The following RAD23B variants were observed in gnomAD, a reference collection of about 807,000 sequenced individuals.
RAD23B encodes the protein RAD23 nucleotide excision repair protein B, also known as lysine-specific demethylase RAD23B.
In RAD23B, 5 loss-of-function variants were observed where a neutral mutation model predicts 49.1. That is an observed-to-expected ratio of 0.10 (90% CI 0.05 to 0.21). The LOEUF (loss-of-function observed/expected upper bound fraction) is 0.21. Among genes scored for constraint, RAD23B ranks in the 10% least tolerant of loss-of-function variants. The probability of loss-of-function intolerance (pLI) is 1.00; values close to 1 mark genes in which losing one functional copy is unlikely to be tolerated. For synonymous variants in RAD23B, 184 were observed against 165.4 expected, an observed-to-expected ratio of 1.11 and a Z score of -0.86; for missense variants, 356 against 486.7, an observed-to-expected ratio of 0.73 and a Z score of 2.53.
intron 1 of RAD23B, chr9:107,284,993 G>A: frequency 1.6e-6 from 2 of 1,273,678 alleles, no homozygotes; most frequent in Non-Finnish European, 2.1e-6. Context: ...ACAGTGTTAC[G>A]TTTTACTTAT....
chr9:107,293,452 A>G (rs559092726), intron 1 of RAD23B, among the ~76,000 whole-genome samples: 2 of 152,356 alleles, frequency 1.3e-5, no homozygotes, highest in South Asian at 2.1e-4. Flanking sequence ...GCATATGGCA[A>G]GTACATAGCC....
intron 4 of RAD23B, among the ~76,000 whole-genome samples, chr9:107,307,634 T>C (rs1826804991): frequency 6.6e-6 from 1 of 152,196 alleles, no homozygotes; most frequent in South Asian, 2.1e-4. Flanking sequence ...GGTTAAGATA[T>C]ATATGACAAT....
At chr9:107,313,905 TTTCCTTTCTCCTTCCTTCCTCCTTCC>T (rs930920765) in intron 5 of RAD23B, among the ~76,000 whole-genome samples, 47 of 152,020 alleles carry the variant, frequency 3.1e-4, no homozygotes, top group African/African-American at 1.1e-3. Flanking sequence ...TCCTTTCTCC[TTTCCTTTCTCCTTCCTTCCTCCTTCC>T]TTCCTTTCTC....
At chr9:107,300,319 A>G (rs1422824930) in intron 2 of RAD23B, 97 bp downstream of exon 2, 16 of 1,310,642 alleles carry the variant, frequency 1.2e-5, no homozygotes, top group African/African-American at 1.5e-5. Flanking sequence ...AAATTGTCAG[A>G]AAAATGATTG....
At chr9:107,295,816 A>C (rs912782736) in intron 1 of RAD23B, among the ~76,000 whole-genome samples, 2 of 152,206 alleles carry the variant, frequency 1.3e-5, no homozygotes, top group African/African-American at 4.8e-5. Context: ...GGTTGGAGTA[A>C]ATTTTAGAGG....
At chr9:107,293,943 C>G (rs1833435943) in intron 1 of RAD23B, among the ~76,000 whole-genome samples, 1 of 152,122 alleles carries the variant, frequency 6.6e-6, no homozygotes, top group Non-Finnish European at 1.5e-5. Context: ...CACCACAGCA[C>G]CCGTCTAATT....
At chr9:107,288,543 T>C (rs535317876) in intron 1 of RAD23B, among the ~76,000 whole-genome samples, 4 of 152,202 alleles carry the variant, frequency 2.6e-5, no homozygotes, top group Non-Finnish European at 4.4e-5. Flanking sequence ...CCTCTGGGGC[T>C]CAAGCGATTC....
intron 3 of RAD23B, among the ~76,000 whole-genome samples, chr9:107,305,624 G>C (rs144758943): frequency 5.9e-5 from 9 of 152,118 alleles, no homozygotes; most frequent in African/African-American, 2.2e-4. Context: ...AGTGCTGAGC[G>C]TGTGGAGGTA....
intron 1 of RAD23B, among the ~76,000 whole-genome samples, chr9:107,298,346 C>G (rs1326830047): frequency 6.6e-6 from 1 of 152,010 alleles, no homozygotes; most frequent in Non-Finnish European, 1.5e-5. Context: ...CAGATTCTCA[C>G]TCTGTCACCC....
chr9:107,308,412 T>C (rs958781951), intron 4 of RAD23B, among the ~76,000 whole-genome samples: 1 of 151,894 alleles, frequency 6.6e-6, no homozygotes, highest in Admixed American at 6.6e-5. Context: ...AGAGAAGGGG[T>C]TTCACCATGT....
At chr9:107,293,776 GAATGAAA>G (rs1833432014) in intron 1 of RAD23B, among the ~76,000 whole-genome samples, 2 of 152,038 alleles carry the variant, frequency 1.3e-5, no homozygotes, top group Admixed American at 1.3e-4. Context: ...TAAATTTGTC[GAATGAAA>G]AATGACTGCT....
rs1278104495 is a variant in RAD23B, at chr9:107,284,489, GA to G, written c.66+804del. On this transcript the variant is annotated intron_variant, in intron 1 of 9. Transcript: ENST00000358015. ...CAGTAGCAGTTCAAGGGGGAAAAAA[GA>G]AAAAAAAAACAAAAAACAACAACTT... Among the ~76,000 whole-genome samples the G allele has an allele frequency of 1.0e-4, 15 of 144,716 alleles. 1 individual carries two copies. The highest frequency in any genetic ancestry group is 6.7e-4 in the South Asian group (3 of 4,486). 94.9% of individuals were successfully genotyped at this position (144,716 alleles called of 152,430 possible).
chr9:107,300,102 T>G, intron 1 of RAD23B, 39 bp from the exon 2 acceptor site: 1 of 1,582,956 alleles, frequency 6.3e-7, no homozygotes, highest in East Asian at 2.3e-5. Context: ...CATTTTTTAT[T>G]TAGACTTTTT....
intron 9 of RAD23B, among the ~76,000 whole-genome samples, chr9:107,326,338 A>G (rs113654949): frequency 0.036 from 5,204 of 146,398 alleles, 282 homozygotes; most frequent in African/African-American, 0.13. Context: ...AAAATTAGCC[A>G]GGCGTGATGG....
intron 6 of RAD23B, among the ~76,000 whole-genome samples, chr9:107,320,291 G>A (rs1470051175): frequency 1.3e-5 from 2 of 152,192 alleles, no homozygotes; most frequent in Non-Finnish European, 2.9e-5. Flanking sequence ...AATTTGTTTG[G>A]TGAGGAGTGT....
chr9:107,288,505 G>A (rs1564238886), intron 1 of RAD23B, among the ~76,000 whole-genome samples: 1 of 152,192 alleles, frequency 6.6e-6, no homozygotes, highest in Admixed American at 6.5e-5. Flanking sequence ...GAGTGCAGTG[G>A]CGCCATCTTG....
At position 107,284,035 on chromosome 9, in the gene RAD23B, T is replaced by A; in HGVS notation, c.66+340T>A. ...GCCGTCTCAGCCGTAGAGCCTGGCT[T>A]TCTGGTATGGGTGCACAGGTGGGGG... On this transcript the variant is annotated intron_variant, in intron 1 of 9. Transcript: ENST00000358015. The A allele has an allele frequency of 7.6e-6, 8 of 1,049,766 alleles. No individual in the cohort carries two copies. The South Asian group carries it at 2.6e-4, about 34-fold the overall frequency. The allele number at this position is 1,049,766 out of a possible 1,614,324, so 65.0% of individuals were successfully genotyped here. A position where few individuals can be genotyped will look rare whatever the true frequency, so the allele number is the denominator to read the frequency against.
intron 7 of RAD23B, among the ~76,000 whole-genome samples, 190 bp downstream of exon 7, chr9:107,322,308 C>G (rs1297862571): frequency 6.6e-6 from 1 of 152,242 alleles, no homozygotes; most frequent in Admixed American, 6.5e-5. Flanking sequence ...GGTATCCTTG[C>G]TGATATTAAA....
chr9:107,291,496 C>T (rs1251157208), intron 1 of RAD23B, among the ~76,000 whole-genome samples: 1 of 152,196 alleles, frequency 6.6e-6, no homozygotes. Context: ...CCTCTTCTCA[C>T]ATAATTAATG....
Sources: allele counts gnomAD v4.1 joint callset (sites outside exome capture counted in the v4.1 genomes callset), GRCh38; gene constraint gnomAD v4.1.1; transcripts MANE v1.5; gene names NCBI Gene and HGNC (gene_info 2026-07-23, HGNC 2026-07-21).